AAR2: variants seen among roughly 807,000 people sequenced by gnomAD.
The protein encoded by AAR2 is AAR2 splicing factor.
AAR2 carries 31 observed loss-of-function variants against 26.9 expected under a neutral mutation model. The ratio of observed to expected loss-of-function variants is 1.15; its 90% confidence interval spans 0.86 to 1.55. The LOEUF (loss-of-function observed/expected upper bound fraction) is 1.55, where lower values mean the gene tolerates loss of function less well. AAR2 is among the 40% of genes most tolerant of loss of function. The pLI is 0.00. For synonymous variants in AAR2, 188 were observed against 196.1 expected (o/e 0.96, Z 0.34); for missense variants, 430 against 491.3 (o/e 0.88, Z 1.18).
rs1433074355 is a variant in AAR2, at chr20:36,240,050, G to C, written c.182G>C (p.Ser61Thr). 1.2e-6 allele frequency: 2 copies of C among 1,614,112 alleles called. No homozygotes were observed. Among genetic ancestry groups the C allele is most frequent in the Non-Finnish European group, 1.7e-6 (2 of 1,180,054 alleles). The stretch of plus-strand genomic sequence containing the variant: ...CCAGGCATCCACTTCCTCCACTACA[G>C]CTCTGTGGACAAGGCTAATCCGAAG... The part of the protein sequence containing the change: ...IPPGIHFLHY[S>T]SVDKANPKEV... Residue 61 changes from serine (S) to threonine (T), a missense_variant, in exon 2 of 4, where the codon AGC becomes ACC. Ser to Thr is a moderately conservative substitution (Grantham distance 58). Transcript: ENST00000320849.
chr20:36,250,918 C>T (rs1009202059), intron 3 of AAR2, among the ~76,000 whole-genome samples: 2 of 151,840 alleles, frequency 1.3e-5, no homozygotes, highest in Non-Finnish European at 2.9e-5. Context: ...AAAAAAATAC[C>T]AGGCGTGGTG....
chr20:36,241,669 G>C (rs1787308012), intron 2 of AAR2, among the ~76,000 whole-genome samples: 3 of 152,188 alleles, frequency 2.0e-5, no homozygotes, highest in South Asian at 4.1e-4. Context: ...TGTAGTCCCA[G>C]CTACTCTGGA....
chr20:36,255,816 C>A lies in AAR2; in HGVS notation c.*71C>A, dbSNP rs1407870937. 1.3e-5 allele frequency: 21 copies of A among 1,564,056 alleles called. No individual in the cohort carries two copies. Among genetic ancestry groups the A allele is most frequent in the East Asian group, 4.5e-5 (2 of 44,038 alleles). ...GCAGTCCTGGCCTCTCCATTTACTTCTTCCCATCCTGGGACCTGCCAGGGC... is the reference window on the plus strand; with the variant it reads ...GCAGTCCTGGCCTCTCCATTTACTTATTCCCATCCTGGGACCTGCCAGGGC... On this transcript the variant is annotated 3_prime_UTR_variant, in exon 4 of 4. Coordinates refer to ENST00000320849, the MANE Select transcript of AAR2 (RefSeq NM_001271874.2).
intron 2 of AAR2, 35 bp from the exon 3 acceptor site, chr20:36,244,662 C>T: frequency 6.3e-7 from 1 of 1,599,864 alleles, no homozygotes; most frequent in Non-Finnish European, 8.5e-7. Context: ...GTCCTCCTCT[C>T]CCTCAGAATC....
At chr20:36,251,424 T>A (rs2064779478) in intron 3 of AAR2, among the ~76,000 whole-genome samples, 1 of 141,410 alleles carries the variant, frequency 7.1e-6, no homozygotes, top group South Asian at 2.1e-4. Context: ...ATAAGGTTGA[T>A]TTTTTTTTTT....
chr20:36,252,792 G>T (rs1246612921), intron 3 of AAR2, among the ~76,000 whole-genome samples: 1 of 152,118 alleles, frequency 6.6e-6, no homozygotes, highest in African/African-American at 2.4e-5. Flanking sequence ...AACCTCTGGG[G>T]ATGGCCTCAT....
intron 1 of AAR2, among the ~76,000 whole-genome samples, chr20:36,239,078 T>A (rs2064649153): frequency 6.6e-6 from 1 of 152,224 alleles, no homozygotes; most frequent in African/African-American, 2.4e-5. Flanking sequence ...ACTAAGCTCT[T>A]TCTCTTCTGG....
intron 3 of AAR2, among the ~76,000 whole-genome samples, chr20:36,252,089 G>T (rs758671694): frequency 1.3e-5 from 2 of 152,230 alleles, no homozygotes; most frequent in Admixed American, 6.5e-5. Flanking sequence ...CATGAGGGAG[G>T]CTCGGGCACA....
intron 3 of AAR2, among the ~76,000 whole-genome samples, chr20:36,247,121 CT>C (rs1317364756): frequency 2.0e-5 from 3 of 152,192 alleles, no homozygotes; most frequent in Non-Finnish European, 2.9e-5. Context: ...AGAAAGTTAA[CT>C]AGCCAAGTAA....
At chr20:36,236,571 T>G (rs956298297) in intron 1 of AAR2, 68 bp downstream of exon 1, 1 of 152,120 alleles carries the variant, frequency 6.6e-6, no homozygotes, top group African/African-American at 2.4e-5. Flanking sequence ...GGGCCGCCCC[T>G]CTTCTCGGCT....
intron 1 of AAR2, among the ~76,000 whole-genome samples, chr20:36,239,102 C>A (rs904246141): frequency 4.6e-5 from 7 of 152,208 alleles, no homozygotes; most frequent in Admixed American, 3.3e-4. Context: ...GCTTTCTCTT[C>A]CTAGGCTAGC....
At chr20:36,249,194 A>G (rs1306195688) in intron 3 of AAR2, among the ~76,000 whole-genome samples, 1 of 152,116 alleles carries the variant, frequency 6.6e-6, no homozygotes. Context: ...TTTTTTTTCA[A>G]CTTTCCCATG....
chr20:36,236,601 G>C (rs1433668500), intron 1 of AAR2, 98 bp downstream of exon 1: 1 of 152,272 alleles, frequency 6.6e-6, no homozygotes, highest in Non-Finnish European at 1.5e-5. Flanking sequence ...GGAGTGCCTT[G>C]AACTAGGCCC....
chr20:36,239,937 C>T lies in AAR2; in HGVS notation c.69C>T (p.Ile23=). The T allele has an allele frequency of 6.2e-7, 1 of 1,613,912 alleles. No homozygotes were observed. The highest frequency in any genetic ancestry group is 1.7e-5 in the Admixed American group (1 of 60,008). ...RLFFEGATVV[I]LNMPKGTEFG... is the part of the protein sequence containing the mutation. ...TCTTTGAAGGGGCCACTGTGGTCATCCTGAACATGCCCAAGGGAACAGAGT... is the reference window on the plus strand; with the variant it reads ...TCTTTGAAGGGGCCACTGTGGTCATTCTGAACATGCCCAAGGGAACAGAGT... Residue 23 remains isoleucine, a synonymous_variant, in exon 2 of 4, where the codon ATC becomes ATT. Coordinates refer to ENST00000320849, the MANE Select transcript of AAR2 (RefSeq NM_001271874.2).
chr20:36,239,934 C>A lies in AAR2; in HGVS notation c.66C>A (p.Val22=). ...TCTTCTTTGAAGGGGCCACTGTGGTCATCCTGAACATGCCCAAGGGAACAG... is the reference window on the plus strand; with the variant it reads ...TCTTCTTTGAAGGGGCCACTGTGGTAATCCTGAACATGCCCAAGGGAACAG... ...KRLFFEGATV[V]ILNMPKGTEF... is the part of the protein sequence containing the mutation. Residue 22 remains valine, a synonymous_variant, in exon 2 of 4, where the codon GTC becomes GTA. Coordinates refer to ENST00000320849, the MANE Select transcript of AAR2 (RefSeq NM_001271874.2). 1.2e-6 allele frequency: 2 copies of A among 1,613,658 alleles called. No individual in the cohort carries two copies. Among genetic ancestry groups the A allele is most frequent in the South Asian group, 2.2e-5 (2 of 91,014 alleles).
intron 2 of AAR2, among the ~76,000 whole-genome samples, chr20:36,242,460 G>A (rs2064693131): frequency 6.6e-6 from 1 of 151,802 alleles, no homozygotes; most frequent in Admixed American, 6.6e-5. Context: ...GTGTGAGTTC[G>A]GCTCACTGCA....
intron 2 of AAR2, among the ~76,000 whole-genome samples, chr20:36,241,558 C>T (rs994489535): frequency 2.6e-5 from 4 of 151,884 alleles, no homozygotes; most frequent in East Asian, 1.9e-4. Flanking sequence ...AGGCTGAGGC[C>T]GGTGGGGATC....
In AAR2 at chr20:36,242,060, T is replaced by A. The variant is rs563731931; in HGVS notation, c.757+1435T>A. 9.1e-4 allele frequency among the ~76,000 whole-genome samples: 139 copies of A among 152,204 alleles called. 1 individual carries two copies. The highest frequency in any genetic ancestry group is 3.2e-3 in the African/African-American group (133 of 41,546). The stretch of plus-strand genomic sequence containing the variant: ...ATATGTGTCACATTTTGAACAGCTA[T>A]TTTTATATATATTTATAAATTTTCC... On this transcript the variant is annotated intron_variant, in intron 2 of 3. Coordinates refer to ENST00000320849, the MANE Select transcript of AAR2 (RefSeq NM_001271874.2).
chr20:36,239,559 A>G (rs1211152308), intron 1 of AAR2, among the ~76,000 whole-genome samples: 2 of 152,204 alleles, frequency 1.3e-5, no homozygotes, highest in Non-Finnish European at 2.9e-5. Flanking sequence ...GGGTCCTGGT[A>G]TGACCATGAG....
Sources: allele counts gnomAD v4.1 joint callset (sites outside exome capture counted in the v4.1 genomes callset), GRCh38; gene constraint gnomAD v4.1.1; transcripts MANE v1.5; gene names NCBI Gene and HGNC (gene_info 2026-07-23, HGNC 2026-07-21).